Variants in SPAG9 observed in about 807,000 individuals in gnomAD.
SPAG9 encodes the protein C-Jun-amino-terminal kinase-interacting protein 4.
SPAG9 carries 35 observed loss-of-function variants against 166.5 expected under a neutral mutation model. That is an observed-to-expected ratio of 0.21 (90% CI 0.16 to 0.28). The LOEUF (loss-of-function observed/expected upper bound fraction) is 0.28, where lower values mean the gene tolerates loss of function less well. SPAG9 is among the 10% of genes least tolerant of loss of function. The pLI is 1.00. For missense variants in SPAG9, 1,235 were observed against 1,603.3 expected, an observed-to-expected ratio of 0.77 and a Z score of 3.92; for synonymous variants, 534 against 565.5, an observed-to-expected ratio of 0.94 and a Z score of 0.79.
chr17:50,989,558 C>A, intron 21 of SPAG9, 119 bp downstream of exon 21: 1 of 812,156 alleles, frequency 1.2e-6, no homozygotes, highest in South Asian at 1.5e-5. Flanking sequence ...GAATAGGTAT[C>A]TTTTAATCCA....
At chr17:50,998,852 A>G (rs2044798279) in intron 14 of SPAG9, among the ~76,000 whole-genome samples, 1 of 152,232 alleles carries the variant, frequency 6.6e-6, no homozygotes, top group African/African-American at 2.4e-5. Context: ...CTGTTCTTTA[A>G]CTAGCAATTT....
At position 51,120,104 on chromosome 17, in the gene SPAG9, G is replaced by A. The variant is rs1160556765; in HGVS notation, c.303+250C>T. Among the ~76,000 whole-genome samples the A allele has an allele frequency of 6.6e-6, 1 of 152,176 alleles. No individual in the cohort carries two copies. The highest frequency in any genetic ancestry group is 1.5e-5 in the Non-Finnish European group (1 of 68,022). On this transcript the variant is annotated intron_variant, in intron 1 of 29. Coordinates refer to ENST00000262013, the MANE Select transcript of SPAG9 (RefSeq NM_001130528.3). The surrounding 1 kb of genome is among the most constrained non-coding windows in gnomAD (Gnocchi z 4.7). ...CCAGGTGTCCTCAGGCCAGGCTGCCGCTTCCTCCCCGGGCCCTGCCTCCTC... is the reference window on the plus strand; with the variant it reads ...CCAGGTGTCCTCAGGCCAGGCTGCCACTTCCTCCCCGGGCCCTGCCTCCTC...
At chr17:51,095,792 G>A (rs984646714) in intron 1 of SPAG9, among the ~76,000 whole-genome samples, 11 of 143,076 alleles carry the variant, frequency 7.7e-5, no homozygotes, top group East Asian at 6.0e-4. Context: ...AGTGATATAC[G>A]TATAGTGATA....
intron 2 of SPAG9, among the ~76,000 whole-genome samples, chr17:51,070,387 T>A (rs2047791223): frequency 6.6e-6 from 1 of 152,214 alleles, no homozygotes; most frequent in Admixed American, 6.5e-5. Flanking sequence ...CTTCTCCAAT[T>A]CTATTGACAT....
chr17:51,046,701 C>A (rs1293259068), intron 4 of SPAG9: 2 of 1,535,778 alleles, frequency 1.3e-6, no homozygotes, highest in Admixed American at 2.0e-5. Flanking sequence ...ACCAAGGAGG[C>A]CTACACGGGG....
chr17:50,973,031 T>C (rs1973943808), intron 28 of SPAG9, among the ~76,000 whole-genome samples: 1 of 152,336 alleles, frequency 6.6e-6, no homozygotes, highest in African/African-American at 2.4e-5. Flanking sequence ...TAGAGGTCCA[T>C]CAACAGAAGA....
intron 1 of SPAG9, among the ~76,000 whole-genome samples, chr17:51,086,551 G>A (rs2048312268): frequency 6.6e-6 from 1 of 152,096 alleles, no homozygotes; most frequent in Non-Finnish European, 1.5e-5. Context: ...TACTCGGGAG[G>A]CTGAGGCACA....
At chr17:51,050,993 A>G (rs2047164483) in intron 3 of SPAG9, among the ~76,000 whole-genome samples, 1 of 149,484 alleles carries the variant, frequency 6.7e-6, no homozygotes, top group Non-Finnish European at 1.5e-5. Flanking sequence ...AAGGGAAGGA[A>G]GGAAAGAAAG....
intron 1 of SPAG9, among the ~76,000 whole-genome samples, chr17:51,097,323 G>C (rs555293528): frequency 7.9e-5 from 12 of 152,170 alleles, no homozygotes; most frequent in Non-Finnish European, 1.3e-4. Flanking sequence ...CCTGAGGAGG[G>C]GGTTGTGGGA....
intron 6 of SPAG9, 94 bp downstream of exon 6, chr17:51,031,587 C>T (rs1378668104): frequency 2.3e-6 from 2 of 876,532 alleles, no homozygotes; most frequent in African/African-American, 3.3e-5. Flanking sequence ...CCAAGCTGAG[C>T]ATCTGATGTC....
intron 15 of SPAG9, among the ~76,000 whole-genome samples, chr17:50,997,764 C>T (rs2044741214): frequency 6.6e-6 from 1 of 151,976 alleles, no homozygotes; most frequent in Admixed American, 6.6e-5. Flanking sequence ...AGTGTTTGTA[C>T]CTAATGAGTA....
chr17:51,106,816 A>T (rs1028567138), intron 1 of SPAG9, among the ~76,000 whole-genome samples: 2 of 151,764 alleles, frequency 1.3e-5, no homozygotes, highest in Non-Finnish European at 2.9e-5. Context: ...AAATAAAAAT[A>T]AAAAAGTCCG....
chr17:51,020,042 A>C, intron 8 of SPAG9, 117 bp downstream of exon 8: 1 of 646,156 alleles, frequency 1.5e-6, no homozygotes, highest in Non-Finnish European at 2.8e-6. Context: ...AGAATATAAT[A>C]CTAACATTTC....
At chr17:51,119,067 G>T (rs368827533) in intron 1 of SPAG9, among the ~76,000 whole-genome samples, 9 of 148,850 alleles carry the variant, frequency 6.0e-5, no homozygotes, top group African/African-American at 2.2e-4. Flanking sequence ...ATTTTGTTTG[G>T]CAAATTCAAT....
intron 2 of SPAG9, among the ~76,000 whole-genome samples, chr17:51,060,235 T>C (rs546348597): frequency 1.3e-5 from 2 of 151,984 alleles, no homozygotes; most frequent in Non-Finnish European, 2.9e-5. Flanking sequence ...CCGGGCGAGG[T>C]GGCTCACACC....
At chr17:51,107,443 T>C (rs2048984294) in intron 1 of SPAG9, among the ~76,000 whole-genome samples, 1 of 150,502 alleles carries the variant, frequency 6.6e-6, no homozygotes, top group Non-Finnish European at 1.5e-5. Flanking sequence ...AAACACACTT[T>C]AAAGGGCAAT....
intron 28 of SPAG9, among the ~76,000 whole-genome samples, chr17:50,972,440 T>C (rs749925219): frequency 2.0e-5 from 3 of 152,236 alleles, no homozygotes; most frequent in Non-Finnish European, 2.9e-5. Context: ...TACTAGTAAA[T>C]GTGCTGTTTG....
chr17:51,000,057 C>A (rs929308198), intron 13 of SPAG9, among the ~76,000 whole-genome samples: 1 of 152,130 alleles, frequency 6.6e-6, no homozygotes, highest in Non-Finnish European at 1.5e-5. Flanking sequence ...TAAAATATTG[C>A]CTTGTAAATT....
At chr17:51,067,707 G>C (rs1313964766) in intron 2 of SPAG9, among the ~76,000 whole-genome samples, 3 of 147,470 alleles carry the variant, frequency 2.0e-5, no homozygotes, top group Non-Finnish European at 4.5e-5. Context: ...TTTCTGGGGA[G>C]TAAAAAAAAA....
Sources: gnomAD v4.1 joint callset for allele counts (sites outside exome capture counted in the v4.1 genomes callset) on GRCh38, gnomAD v4.1.1 for gene constraint, Gnocchi (gnomAD v3.1) non-coding constraint, MANE v1.5 for transcripts, NCBI Gene and HGNC (gene_info 2026-07-23, HGNC 2026-07-21) for gene names.